The following SLC24A3 variants were observed in gnomAD, a reference collection of about 807,000 sequenced individuals.
SLC24A3 encodes the protein sodium/potassium/calcium exchanger 3.
A neutral mutation model predicts 75.8 loss-of-function variants in SLC24A3; 28 were observed. The ratio of observed to expected loss-of-function variants is 0.37; its 90% CI spans 0.27 to 0.51. The LOEUF (loss-of-function observed/expected upper bound fraction) is 0.51. SLC24A3 is among the 20% of genes least tolerant of loss of function. The pLI, the probability that SLC24A3 is intolerant of heterozygous loss-of-function variation, is 0.94. For missense variants in SLC24A3, 663 were observed against 847.8 expected, an observed-to-expected ratio of 0.78 and a Z score of 2.71; for synonymous variants, 372 against 334.1, an observed-to-expected ratio of 1.11 and a Z score of -1.24.
intron 2 of SLC24A3, among the ~76,000 whole-genome samples, chr20:19,347,966 C>T (rs2122320121): frequency 6.6e-6 from 1 of 152,316 alleles, no homozygotes; most frequent in African/African-American, 2.4e-5. Flanking sequence ...CTGTGCCTCG[C>T]CCTGCTTCGA....
chr20:19,425,253 A>C (rs1415939723), intron 2 of SLC24A3, among the ~76,000 whole-genome samples: 1 of 152,070 alleles, frequency 6.6e-6, no homozygotes, highest in Non-Finnish European at 1.5e-5. Context: ...CAGTGAGCCA[A>C]GATTGTGCCA....
rs537115590 is a variant in SLC24A3 at position 19,376,110 on chromosome 20, T to G, written c.271+95023T>G. On this transcript the variant is annotated intron_variant, in intron 2 of 16. Transcript: ENST00000328041. ...AACTGTGTGAGTGTGTGTTTGTGTG[T>G]GGGGGTACACACTGAAAGAAAATAA... Among the ~76,000 whole-genome samples the G allele has an allele frequency of 2.0e-5, 3 of 152,302 alleles. No individual in the cohort carries two copies. The South Asian group carries it at 6.2e-4, about 32-fold the overall frequency.
chr20:19,693,629 T>C, intron 13 of SLC24A3: 1 of 601,258 alleles, frequency 1.7e-6, no homozygotes, highest in Non-Finnish European at 2.7e-6. Flanking sequence ...TGTGGATTCA[T>C]TAATCTTAGC....
At chr20:19,684,072 G>C in intron 10 of SLC24A3, 104 bp from the exon 11 acceptor site, 1 of 1,325,088 alleles carries the variant, frequency 7.5e-7, no homozygotes, top group Non-Finnish European at 1.0e-6. Context: ...TGGATGGGAG[G>C]AAAGAAGGGA....
At chr20:19,482,853 A>G (rs994269693) in intron 2 of SLC24A3, among the ~76,000 whole-genome samples, 5 of 152,214 alleles carry the variant, frequency 3.3e-5, no homozygotes, top group African/African-American at 1.2e-4. Flanking sequence ...CACACGGTTC[A>G]GTCAATAGGA....
intron 6 of SLC24A3, among the ~76,000 whole-genome samples, chr20:19,626,288 C>T (rs1489367839): frequency 6.6e-6 from 1 of 152,106 alleles, no homozygotes; most frequent in Non-Finnish European, 1.5e-5. Flanking sequence ...ATCTGAGGCT[C>T]AGATCAGGGA....
chr20:19,568,369 A>T (rs1315436776), intron 3 of SLC24A3, among the ~76,000 whole-genome samples: 1 of 152,240 alleles, frequency 6.6e-6, no homozygotes, highest in Admixed American at 6.5e-5. Context: ...GACTGTCCGT[A>T]GACAGATAAA....
At chr20:19,297,986 G>A (rs1257886221) in intron 2 of SLC24A3, among the ~76,000 whole-genome samples, 1 of 152,228 alleles carries the variant, frequency 6.6e-6, no homozygotes, top group East Asian at 1.9e-4. Flanking sequence ...CCTTTCAGGT[G>A]CAGCACTGCA....
intron 6 of SLC24A3, among the ~76,000 whole-genome samples, chr20:19,593,349 G>A (rs1600294500): frequency 6.6e-6 from 1 of 152,198 alleles, no homozygotes; most frequent in Non-Finnish European, 1.5e-5. Context: ...GGGCATCCAG[G>A]CCCCTCTGCC....
At chr20:19,720,397 A>G (rs1020304185) in intron 16 of SLC24A3, among the ~76,000 whole-genome samples, 2 of 152,206 alleles carry the variant, frequency 1.3e-5, no homozygotes, top group Non-Finnish European at 2.9e-5. Flanking sequence ...GAAAGCTTCA[A>G]GGATAGGCAG....
chr20:19,253,277 T>C (rs938755362), intron 1 of SLC24A3, among the ~76,000 whole-genome samples: 2 of 152,202 alleles, frequency 1.3e-5, no homozygotes, highest in African/African-American at 4.8e-5. Flanking sequence ...CCTGCCACGC[T>C]TGGTTGCAGG....
At chr20:19,490,347 G>A (rs1203488995) in intron 2 of SLC24A3, among the ~76,000 whole-genome samples, 1 of 152,130 alleles carries the variant, frequency 6.6e-6, no homozygotes, top group East Asian at 1.9e-4. Context: ...GTTGAAAAAT[G>A]TCTCCTGCCA....
intron 2 of SLC24A3, among the ~76,000 whole-genome samples, chr20:19,493,835 G>A (rs1200468556): frequency 2.0e-5 from 3 of 152,174 alleles, no homozygotes; most frequent in African/African-American, 7.2e-5. Flanking sequence ...ACTGCAATGA[G>A]GCAGACTTTC....
At chr20:19,666,902 G>A (rs1447943052) in intron 8 of SLC24A3, among the ~76,000 whole-genome samples, 1 of 152,196 alleles carries the variant, frequency 6.6e-6, no homozygotes, top group African/African-American at 2.4e-5. Flanking sequence ...AAATGGAAAT[G>A]GAAATCGAGT....
At chr20:19,463,850 A>C (rs1367060729) in intron 2 of SLC24A3, among the ~76,000 whole-genome samples, 1 of 152,094 alleles carries the variant, frequency 6.6e-6, no homozygotes, top group Non-Finnish European at 1.5e-5. Flanking sequence ...CGCAGGTTGC[A>C]CTCTCCTTGT....
intron 2 of SLC24A3, among the ~76,000 whole-genome samples, chr20:19,370,298 A>G (rs1238338163): frequency 6.6e-6 from 1 of 152,218 alleles, no homozygotes; most frequent in Non-Finnish European, 1.5e-5. Context: ...CATGTGGAAC[A>G]TAAATGTTTG....
At chr20:19,244,395 C>T in intron 1 of SLC24A3, 1 of 152,326 alleles carries the variant, frequency 6.6e-6, no homozygotes, top group Non-Finnish European at 1.5e-5. Context: ...CAGTGGGGAG[C>T]TGGACATTAG....
chr20:19,665,747 T>G, intron 7 of SLC24A3, 117 bp from the exon 8 acceptor site: 1 of 1,341,718 alleles, frequency 7.5e-7, no homozygotes, highest in South Asian at 1.5e-5. Flanking sequence ...CAGTCCTGAT[T>G]ACACCATCCC....
intron 2 of SLC24A3, among the ~76,000 whole-genome samples, chr20:19,351,145 A>C (rs1455034257): frequency 6.6e-6 from 1 of 152,184 alleles, no homozygotes; most frequent in African/African-American, 2.4e-5. Context: ...GAGAGGAGAC[A>C]GTTCCCTATG....
Sources: allele counts gnomAD v4.1 joint callset (sites outside exome capture counted in the v4.1 genomes callset), GRCh38; gene constraint gnomAD v4.1.1; transcripts MANE v1.5; gene names NCBI Gene and HGNC (gene_info 2026-07-23, HGNC 2026-07-21).